The following DSP variants were observed in gnomAD, a reference collection of about 807,000 sequenced individuals.
The protein encoded by DSP is 250/210 kDa paraneoplastic pemphigus antigen.
A neutral mutation model predicts 290.6 loss-of-function variants in DSP; 114 were observed. That is an observed-to-expected ratio of 0.39 (90% CI 0.34 to 0.46). The LOEUF is 0.46. Ranked by LOEUF, DSP falls within the 20% of genes least tolerant of loss-of-function variation. DSP has a pLI of 0.99. For missense variants in DSP, 3,230 were observed against 3,495.8 expected, an observed-to-expected ratio of 0.92 and a Z score of 1.92; for synonymous variants, 1,311 against 1,316.4, an observed-to-expected ratio of 1.00 and a Z score of 0.09.
rs1581813359 is a variant in DSP, at chr6:7,577,776, C to T, written c.2878-3C>T. 2 of 1,611,760 alleles carry T rather than the reference C, an allele frequency of 1.2e-6. No individual in the cohort carries two copies. Among genetic ancestry groups the T allele is most frequent in the Non-Finnish European group, 8.5e-7 (1 of 1,177,924 alleles). On this transcript the variant is annotated splice_polypyrimidine_tract_variant and splice_region_variant and intron_variant, in intron 20 of 23. Coordinates refer to ENST00000379802, the MANE Select transcript of DSP (RefSeq NM_004415.4). The stretch of plus-strand genomic sequence containing the variant: ...ACTTTTCTTAAACTTCATTATGCTG[C>T]AGGATTATGAGCTCCAGCTGGCCTC...
chr6:7,548,153 A>G (rs1040709936), intron 1 of DSP, among the ~76,000 whole-genome samples: 2 of 151,938 alleles, frequency 1.3e-5, no homozygotes, highest in Admixed American at 1.3e-4. Context: ...TGTAGTCGCA[A>G]CTGCTCAGGA....
At chr6:7,544,780 T>A (rs1758123559) in intron 1 of DSP, among the ~76,000 whole-genome samples, 1 of 152,160 alleles carries the variant, frequency 6.6e-6, no homozygotes. Flanking sequence ...GTATCCTAAT[T>A]CCCTCTTTTT....
chr6:7,555,579 A>G, intron 1 of DSP, 139 bp from the exon 2 acceptor site: 2 of 722,986 alleles, frequency 2.8e-6, no homozygotes, highest in Non-Finnish European at 5.0e-6. Context: ...ACACAACAAA[A>G]TGTTAACAAT....
At chr6:7,559,149 G>C (rs1758594055) in intron 3 of DSP, 77 bp from the exon 4 acceptor site, 2 of 1,549,236 alleles carry the variant, frequency 1.3e-6, no homozygotes, top group Non-Finnish European at 1.8e-6. Flanking sequence ...AAAAGACTCA[G>C]AAAAGGGGAA....
chr6:7,565,716 C>T lies in DSP; in HGVS notation c.939+196C>T, dbSNP rs1277061208. 10 of 656,032 alleles carry T rather than the reference C, an allele frequency of 1.5e-5. No individual in the cohort carries two copies. Among genetic ancestry groups the T allele is most frequent in the East Asian group, 2.9e-5 (1 of 33,904 alleles). 40.6% of individuals were successfully genotyped at this position (656,032 alleles called of 1,614,324 possible). On this transcript the variant is annotated intron_variant, in intron 7 of 23. Coordinates refer to ENST00000379802, the MANE Select transcript of DSP (RefSeq NM_004415.4). The surrounding 1 kb of genome is among the most constrained non-coding windows in gnomAD (Gnocchi z 4.2). Reference sequence around the variant, plus strand: ...GGCCATTATCCTTAGCAAACTTATGCGGGAACAGAAAACCAAATACCACAT... The same window carrying T: ...GGCCATTATCCTTAGCAAACTTATGTGGGAACAGAAAACCAAATACCACAT...
intron 2 of DSP, among the ~76,000 whole-genome samples, chr6:7,556,747 G>A (rs777122001): frequency 1.3e-5 from 2 of 152,166 alleles, no homozygotes; most frequent in African/African-American, 2.4e-5. Context: ...AGAATGTCAC[G>A]TTAGTCCATG....
intron 6 of DSP, among the ~76,000 whole-genome samples, chr6:7,564,346 A>G (rs1163336949): frequency 6.6e-6 from 1 of 152,232 alleles, no homozygotes; most frequent in Non-Finnish European, 1.5e-5. Context: ...AGAGATTTCC[A>G]TTCTTTTGCC....
chr6:7,559,995 T>C (rs541037782), intron 4 of DSP, among the ~76,000 whole-genome samples: 1 of 152,378 alleles, frequency 6.6e-6, no homozygotes, highest in African/African-American at 2.4e-5. Context: ...ATGCTGATCC[T>C]TTCCCTAGAA....
At chr6:7,568,673 T>A in intron 11 of DSP, 84 bp downstream of exon 11, 1 of 1,421,710 alleles carries the variant, frequency 7.0e-7, no homozygotes, top group African/African-American at 1.4e-5. Flanking sequence ...ACATTTAATC[T>A]AGAGTTCAAT....
At chr6:7,570,298 T>A (rs1759003153) in intron 12 of DSP, 139 bp from the exon 13 acceptor site, 1 of 1,292,420 alleles carries the variant, frequency 7.7e-7, no homozygotes, top group South Asian at 1.2e-5. Flanking sequence ...TGAACTGTTT[T>A]CAAAGTTATA....
intron 6 of DSP, 37 bp downstream of exon 6, chr6:7,563,823 G>T: frequency 6.3e-7 from 1 of 1,591,796 alleles, no homozygotes; most frequent in Non-Finnish European, 8.6e-7. Context: ...TCGACTTTCT[G>T]TTGTTTCCAA....
intron 1 of DSP, among the ~76,000 whole-genome samples, chr6:7,554,082 A>AACACACACACACACACAC (rs10658102): frequency 0.045 from 5,266 of 115,764 alleles, 215 homozygotes; most frequent in East Asian, 0.064. Context: ...CTTTCTTTAA[A>AACACACACACACACACAC]ACACACACAC....
chr6:7,544,273 T>C (rs1758106391), intron 1 of DSP, among the ~76,000 whole-genome samples: 1 of 152,172 alleles, frequency 6.6e-6, no homozygotes, highest in Non-Finnish European at 1.5e-5. Flanking sequence ...AGCGACCGCC[T>C]GAAGGCAGGG....
intron 1 of DSP, among the ~76,000 whole-genome samples, chr6:7,542,706 A>T (rs1474620191): frequency 6.6e-6 from 1 of 152,266 alleles, no homozygotes; most frequent in African/African-American, 2.4e-5. Context: ...CCGGGAAACG[A>T]AACTTCCCCG....
rs1759432977 is a variant in DSP at position 7,581,318 on chromosome 6, A to C, written c.5128A>C (p.Thr1710Pro). The C allele has an allele frequency of 2.5e-6, 4 of 1,614,232 alleles. No homozygotes were observed. Among genetic ancestry groups the C allele is most frequent in the Non-Finnish European group, 3.4e-6 (4 of 1,180,048 alleles). The part of the protein sequence containing the change: ...KIEIERLQSL[T>P]ENLTKEHLML... ...AGAAATTGAGAGGCTGCAGTCTCTC[A>C]CAGAGAACCTGACCAAGGAGCACTT... is the stretch of plus-strand genomic sequence containing the variant. The change falls in exon 23 of 24, where the codon ACA becomes CCA. Residue 1710 changes from threonine (T) to proline (P), a missense_variant. Coordinates refer to ENST00000379802, the MANE Select transcript of DSP (RefSeq NM_004415.4).
rs191980408 is a variant in DSP at position 7,585,788 on chromosome 6, C to T, written c.8526C>T (p.Arg2842=). 2 of 1,609,722 alleles carry T rather than the reference C, an allele frequency of 1.2e-6. No individual in the cohort carries two copies. The highest frequency in any genetic ancestry group is 2.7e-5 in the African/African-American group (2 of 74,530). The change falls in exon 24 of 24, where the codon CGC becomes CGT. Residue 2842 remains arginine, a synonymous_variant. Coordinates refer to ENST00000379802, the MANE Select transcript of DSP (RefSeq NM_004415.4). ...GCTCCGGATCTCGCTCCGGGTCCCG[C>T]AGTGGGTCCCGGAGAGGAAGCTTTG... is the stretch of plus-strand genomic sequence containing the variant. ...GSRSGSRSGS[R]SGSRRGSFDA... is the part of the protein sequence containing the mutation.
At position 7,580,963 on chromosome 6, in the gene DSP, G is replaced by A. The variant is rs28763968; in HGVS notation, c.4773G>A (p.Arg1591=). ...KRTASEDSCK[R]KKLEEELEGM... ...CCGCGTCAGAAGACTCCTGCAAGAG[G>A]AAGAAGCTGGAGGAAGAGCTGGAAG... Residue 1591 remains arginine, a synonymous_variant, in exon 23 of 24, where the codon AGG becomes AGA. Coordinates refer to ENST00000379802, the MANE Select transcript of DSP (RefSeq NM_004415.4). The surrounding 1 kb of genome is among the most constrained non-coding windows in gnomAD (Gnocchi z 4.2). The A allele has an allele frequency of 0.017, 27,006 of 1,614,084 alleles. 272 individuals are homozygous for A. Among genetic ancestry groups the A allele is most frequent in the Non-Finnish European group, 0.019 (22,735 of 1,180,000 alleles).
Position 7,580,703 on chromosome 6 carries a change from G to A in DSP, c.4513G>A (p.Ala1505Thr), listed in dbSNP as rs1488770025. The A allele has an allele frequency of 1.9e-6, 3 of 1,613,916 alleles. No individual in the cohort carries two copies. The highest frequency in any genetic ancestry group is 1.3e-5 in the African/African-American group (1 of 74,926). Residue 1505 changes from alanine (A) to threonine (T), a missense_variant, in exon 23 of 24, where the codon GCG (alanine) becomes ACG (threonine). Coordinates refer to ENST00000379802, the MANE Select transcript of DSP (RefSeq NM_004415.4). The surrounding 1 kb of genome is among the most constrained non-coding windows in gnomAD (Gnocchi z 4.2). ...NDRKCLEDEN[A>T]RLQRVQYDLQ... ...CCGGAAATGCCTGGAAGATGAAAACGCGAGATTACAAAGGGTCCAGTATGA... is the reference window on the plus strand; with the variant it reads ...CCGGAAATGCCTGGAAGATGAAAACACGAGATTACAAAGGGTCCAGTATGA...
At chr6:7,553,896 G>A (rs542758413) in intron 1 of DSP, among the ~76,000 whole-genome samples, 2 of 152,238 alleles carry the variant, frequency 1.3e-5, no homozygotes, top group South Asian at 2.1e-4. Context: ...TGGCTTGTTG[G>A]GGAGCCTTGC....
Sources: allele counts gnomAD v4.1 joint callset (sites outside exome capture counted in the v4.1 genomes callset), GRCh38; gene constraint gnomAD v4.1.1; non-coding constraint Gnocchi (gnomAD v3.1); transcripts MANE v1.5; gene names NCBI Gene and HGNC (gene_info 2026-07-23, HGNC 2026-07-21).